Variants in EYS observed in about 807,000 individuals in gnomAD.
EYS encodes protein eyes shut homolog.
EYS carries 250 observed loss-of-function variants against 282.1 expected under a neutral mutation model. That is an observed-to-expected ratio of 0.89 (90% CI 0.80 to 0.98). EYS has a LOEUF of 0.98. Ranked by LOEUF, EYS falls within the 50% of genes least tolerant of loss-of-function variation. EYS has a pLI of 0.00. For synonymous variants in EYS, 1,355 were observed against 1,282.9 expected, an observed-to-expected ratio of 1.06 and a Z score of -1.20; for missense variants, 4,016 against 3,709.0, an observed-to-expected ratio of 1.08 and a Z score of -2.15.
intron 28 of EYS, among the ~76,000 whole-genome samples, chr6:64,389,624 T>G (rs2150425694): frequency 6.6e-6 from 1 of 152,320 alleles, no homozygotes. Context: ...GAAACAAGAC[T>G]TTAAGTCCCA....
At chr6:65,107,826 G>T (rs1192447239) in intron 12 of EYS, among the ~76,000 whole-genome samples, 1 of 151,784 alleles carries the variant, frequency 6.6e-6, no homozygotes, top group East Asian at 1.9e-4. Flanking sequence ...CTACTTGGTT[G>T]CCCTAGATAT....
intron 12 of EYS, among the ~76,000 whole-genome samples, chr6:65,242,597 C>T (rs1413208259): frequency 6.6e-6 from 1 of 151,990 alleles, no homozygotes. Context: ...GACAACTTTT[C>T]TGTAGATACA....
chr6:65,465,474 CACAAACAAACAA>C (rs773861531), intron 5 of EYS, among the ~76,000 whole-genome samples: 3 of 151,556 alleles, frequency 2.0e-5, no homozygotes, highest in Admixed American at 6.6e-5. Context: ...GAGGCTCTGT[CACAAACAAACAA>C]ACAAACAAAC....
At chr6:64,024,545 C>T (rs937400422) in intron 33 of EYS, among the ~76,000 whole-genome samples, 4 of 152,048 alleles carry the variant, frequency 2.6e-5, no homozygotes, top group Non-Finnish European at 4.4e-5. Flanking sequence ...TGTTTGGGTC[C>T]CCTTCCACAC....
chr6:63,880,663 C>T (rs114045715), intron 35 of EYS, among the ~76,000 whole-genome samples: 229 of 152,342 alleles, frequency 1.5e-3, no homozygotes, highest in African/African-American at 5.3e-3. Flanking sequence ...TAATAAATCA[C>T]TGCTTTGCTG....
chr6:64,691,211 T>A (rs1770369817), intron 22 of EYS, among the ~76,000 whole-genome samples: 1 of 152,130 alleles, frequency 6.6e-6, no homozygotes, highest in African/African-American at 2.4e-5. Flanking sequence ...CATAGTGAAA[T>A]ATTAACTATG....
intron 1 of EYS, among the ~76,000 whole-genome samples, chr6:65,701,550 G>C (rs1769675459): frequency 6.6e-6 from 1 of 152,056 alleles, no homozygotes; most frequent in African/African-American, 2.4e-5. Context: ...ACATTAACTT[G>C]CACTGCAATG....
chr6:65,673,026 T>C (rs1302152543), intron 1 of EYS, among the ~76,000 whole-genome samples: 3 of 152,028 alleles, frequency 2.0e-5, no homozygotes, highest in African/African-American at 7.2e-5. Context: ...GGTAATGTCA[T>C]CAGTTAAGGC....
At chr6:65,472,340 G>A (rs183436932) in intron 5 of EYS, among the ~76,000 whole-genome samples, 2 of 152,120 alleles carry the variant, frequency 1.3e-5, no homozygotes, top group Admixed American at 6.5e-5. Context: ...AAGGCAGTAC[G>A]TTAGGATGAT....
intron 7 of EYS, among the ~76,000 whole-genome samples, chr6:65,398,191 T>C (rs969527853): frequency 6.6e-6 from 1 of 152,020 alleles, no homozygotes; most frequent in Non-Finnish European, 1.5e-5. Flanking sequence ...AAAATGTTTC[T>C]CCTATTCTAT....
intron 33 of EYS, among the ~76,000 whole-genome samples, chr6:64,056,105 C>A (rs1007840147): frequency 2.0e-5 from 3 of 152,182 alleles, no homozygotes; most frequent in Non-Finnish European, 4.4e-5. Context: ...GGTGCAACTA[C>A]TTTGCAATTC....
chr6:64,054,230 A>G (rs912355583), intron 33 of EYS, among the ~76,000 whole-genome samples: 1 of 152,184 alleles, frequency 6.6e-6, no homozygotes, highest in Non-Finnish European at 1.5e-5. Context: ...AGACATGAGC[A>G]TGCTGGGAAT....
At chr6:64,621,043 G>A (rs566647990) in intron 23 of EYS, among the ~76,000 whole-genome samples, 2 of 152,090 alleles carry the variant, frequency 1.3e-5, no homozygotes, top group African/African-American at 2.4e-5. Context: ...AGACAATCTT[G>A]CTCTGTCACC....
rs1487846234 is a variant in EYS at position 65,057,227 on chromosome 6, A to G, written c.2137+387T>C. Among the ~76,000 whole-genome samples, 4 of 152,096 alleles carry G rather than the reference A, an allele frequency of 2.6e-5. No homozygotes were observed. The East Asian group carries it at 5.8e-4, about 22-fold the overall frequency. On this transcript the variant is annotated intron_variant, in intron 13 of 42. Transcript: ENST00000503581. ...ATACCATCAAAGTTGAACACTGAAA[A>G]ATTAAACAGATGATTAGCTTAGAAA...
intron 2 of EYS, among the ~76,000 whole-genome samples, chr6:65,624,381 G>C (rs902286): frequency 0.36 from 54,348 of 152,060 alleles, 12,118 homozygotes; most frequent in Non-Finnish European, 0.49. Flanking sequence ...AGGGTATGAT[G>C]AGGAGACTAT....
intron 13 of EYS, among the ~76,000 whole-genome samples, chr6:65,037,207 G>C (rs527260223): frequency 6.6e-6 from 1 of 151,978 alleles, no homozygotes; most frequent in South Asian, 2.1e-4. Context: ...ATTAATGCAA[G>C]AACAGGAAAC....
At chr6:64,290,346 A>C (rs1768657353) in intron 30 of EYS, among the ~76,000 whole-genome samples, 1 of 152,104 alleles carries the variant, frequency 6.6e-6, no homozygotes, top group African/African-American at 2.4e-5. Context: ...AAAGTAGAAG[A>C]AAAAACAGGT....
Position 64,714,451 on chromosome 6 carries a change from G to A in EYS, c.3444-88206C>T, listed in dbSNP as rs141182749. Among the ~76,000 whole-genome samples the A allele has an allele frequency of 9.2e-3, 1,396 of 151,906 alleles. 28 individuals are homozygous for A. Among genetic ancestry groups the A allele is most frequent in the African/African-American group, 0.032 (1,310 of 41,390 alleles). ...GACAAGTTTTTAAAATTTTCATCTA[G>A]CAGTTGACTCGTGTGTAATATTAGT... On this transcript the variant is annotated intron_variant, in intron 22 of 42. Transcript: ENST00000503581.
intron 13 of EYS, among the ~76,000 whole-genome samples, chr6:65,047,417 G>A (rs1041428055): frequency 1.3e-5 from 2 of 151,416 alleles, no homozygotes; most frequent in African/African-American, 2.4e-5. Context: ...CCTGTTTTTT[G>A]TTTCAAATCT....
Sources: allele counts gnomAD v4.1 joint callset (sites outside exome capture counted in the v4.1 genomes callset), GRCh38; gene constraint gnomAD v4.1.1; transcripts MANE v1.5; gene names NCBI Gene and HGNC (gene_info 2026-07-23, HGNC 2026-07-21).